The following TRAIP variants were observed in gnomAD, a reference collection of about 807,000 sequenced individuals.
The protein encoded by TRAIP is E3 ubiquitin-protein ligase TRAIP.
TRAIP carries 37 observed loss-of-function variants against 65.0 expected under a neutral mutation model. That is an observed-to-expected ratio of 0.57 (90% confidence interval 0.44 to 0.75). The LOEUF (loss-of-function observed/expected upper bound fraction) is 0.75. TRAIP is among the 30% of genes least tolerant of loss of function. The pLI is 0.00. For synonymous variants in TRAIP, 187 were observed against 219.1 expected, an observed-to-expected ratio of 0.85 and a Z score of 1.29; for missense variants, 481 against 579.4, an observed-to-expected ratio of 0.83 and a Z score of 1.74.
In TRAIP at chr3:49,829,611, A is replaced by C. The variant is rs1236344422; in HGVS notation, c.1236+6T>G. 1 of 1,613,998 alleles carries C rather than the reference A, an allele frequency of 6.2e-7. No homozygotes were observed. The highest frequency in any genetic ancestry group is 1.3e-5 in the African/African-American group (1 of 74,890). ...GGCTCCTGCCACTGTGGGAAGCCAC[A>C]CTCACCACATCTTTGCTGCAAGAGG... is the stretch of plus-strand genomic sequence containing the variant. On this transcript the variant is annotated splice_donor_region_variant and intron_variant, in intron 13 of 14. Transcript: ENST00000331456.
At chr3:49,849,188 C>T (rs1404629541) in intron 1 of TRAIP, among the ~76,000 whole-genome samples, 2 of 151,602 alleles carry the variant, frequency 1.3e-5, no homozygotes, top group African/African-American at 4.8e-5. Flanking sequence ...TTGTTTTTTA[C>T]AGAATAGAGG....
chr3:49,856,287 G>A (rs2081968814), intron 1 of TRAIP, 69 bp downstream of exon 1: 1 of 1,386,234 alleles, frequency 7.2e-7, no homozygotes. Context: ...ACCGCCTGGA[G>A]GCCCAACACC....
chr3:49,834,357 A>C (rs974169217), intron 10 of TRAIP, among the ~76,000 whole-genome samples: 1 of 152,226 alleles, frequency 6.6e-6, no homozygotes, highest in Non-Finnish European at 1.5e-5. Flanking sequence ...TTTCCAAAAA[A>C]TTCTGGGAGA....
At chr3:49,848,676 CTACTG>C (rs2081905599) in intron 1 of TRAIP, among the ~76,000 whole-genome samples, 1 of 152,032 alleles carries the variant, frequency 6.6e-6, no homozygotes, top group Non-Finnish European at 1.5e-5. Context: ...CAACAATAAT[CTACTG>C]TACATTTTAA....
intron 10 of TRAIP, among the ~76,000 whole-genome samples, chr3:49,834,621 G>A (rs1270739068): frequency 6.6e-6 from 1 of 152,154 alleles, no homozygotes; most frequent in Non-Finnish European, 1.5e-5. Flanking sequence ...CAATGACCTA[G>A]GGCAGCCAAT....
At chr3:49,856,323 C>T in intron 1 of TRAIP, 33 bp downstream of exon 1, 1 of 1,593,088 alleles carries the variant, frequency 6.3e-7, no homozygotes, top group Non-Finnish European at 8.6e-7. Flanking sequence ...GGTACCCGGG[C>T]AAACACCGGG....
rs2081971680 is a variant in TRAIP at position 49,856,530 on chromosome 3, C to T, written c.-77G>A. On this transcript the variant is annotated 5_prime_UTR_variant, in exon 1 of 15. Transcript: ENST00000331456. ...GCTTCGTAGACGCGCCCCCGCGCCT[C>T]CGCTTGCTTCAAATTTGGCTCCGCA... 7.3e-7 allele frequency: 1 copy of T among 1,361,600 alleles called. No homozygotes were observed. The highest frequency in any genetic ancestry group is 1.5e-5 in the African/African-American group (1 of 68,696). The allele number at this position is 1,361,600 out of a possible 1,614,324, so 84.3% of individuals were successfully genotyped here.
At chr3:49,848,620 A>C (rs958823634) in intron 1 of TRAIP, among the ~76,000 whole-genome samples, 7 of 152,234 alleles carry the variant, frequency 4.6e-5, no homozygotes, top group Non-Finnish European at 8.8e-5. Context: ...AGTTAGATAT[A>C]AGGAATAAAA....
intron 7 of TRAIP, among the ~76,000 whole-genome samples, chr3:49,841,346 C>A (rs75160702): frequency 6.6e-6 from 1 of 152,174 alleles, no homozygotes; most frequent in Non-Finnish European, 1.5e-5. Context: ...CCTAAACCAC[C>A]TGGTCTTAAA....
chr3:49,833,731 G>A (rs538066821), intron 10 of TRAIP, among the ~76,000 whole-genome samples: 1 of 152,160 alleles, frequency 6.6e-6, no homozygotes, highest in East Asian at 1.9e-4. Context: ...TGCCCACCTC[G>A]GCCTCCCAAA....
At chr3:49,848,278 CG>C in intron 1 of TRAIP, 78 bp from the exon 2 acceptor site, 2 of 1,491,750 alleles carry the variant, frequency 1.3e-6, no homozygotes, top group Non-Finnish European at 1.9e-6. Context: ...ATTCTGACCA[CG>C]AAAGGGTCTG....
intron 10 of TRAIP, among the ~76,000 whole-genome samples, chr3:49,834,294 G>T (rs750006815): frequency 4.6e-5 from 7 of 152,152 alleles, no homozygotes; most frequent in Non-Finnish European, 7.3e-5. Flanking sequence ...CAGGTATGAA[G>T]GGTAATCCTA....
rs780542645 is a variant in TRAIP, at chr3:49,839,906, A to G, written c.796-46T>C. The G allele has an allele frequency of 3.2e-6, 5 of 1,577,710 alleles. No individual in the cohort carries two copies. The East Asian group carries it at 8.9e-5, about 28-fold the overall frequency. On this transcript the variant is annotated intron_variant, in intron 9 of 14. Transcript: ENST00000331456. ...TGTGTGAGAGAAAGGCTGAGGCATC[A>G]AGTCCGGAGATAATGCAGAGGACAT...
chr3:49,841,442 TGAGTA>T (rs1320981972), intron 7 of TRAIP, among the ~76,000 whole-genome samples: 1 of 152,156 alleles, frequency 6.6e-6, no homozygotes, highest in Non-Finnish European at 1.5e-5. Context: ...GTGAAGAATA[TGAGTA>T]GAGTTTGATC....
At chr3:49,832,166 GCCCACTC>G in intron 10 of TRAIP, 98 bp from the exon 11 acceptor site, 5 of 1,359,280 alleles carry the variant, frequency 3.7e-6, no homozygotes, top group African/African-American at 1.5e-5. Context: ...GGGACCTGGA[GCCCACTC>G]CTGACTCAAG....
intron 10 of TRAIP, among the ~76,000 whole-genome samples, chr3:49,833,521 C>T (rs2081753937): frequency 6.6e-6 from 1 of 151,772 alleles, no homozygotes; most frequent in African/African-American, 2.4e-5. Flanking sequence ...GCTCTGTCAC[C>T]CAGGCTGGAG....
intron 10 of TRAIP, among the ~76,000 whole-genome samples, chr3:49,833,447 T>G (rs1231329412): frequency 6.6e-6 from 1 of 151,680 alleles, no homozygotes; most frequent in Non-Finnish European, 1.5e-5. Flanking sequence ...CACATCTGGA[T>G]CATATGGACA....
chr3:49,853,114 T>G (rs1485745634), intron 1 of TRAIP, among the ~76,000 whole-genome samples: 1 of 148,416 alleles, frequency 6.7e-6, no homozygotes, highest in African/African-American at 2.5e-5. Context: ...AGAGCAAGAC[T>G]CTGTCTCAAA....
chr3:49,846,668 T>C (rs1475026740), intron 3 of TRAIP, among the ~76,000 whole-genome samples: 1 of 152,194 alleles, frequency 6.6e-6, no homozygotes, highest in Non-Finnish European at 1.5e-5. Flanking sequence ...TGTCCCCACC[T>C]TGAAAACTGT....
Sources: allele counts gnomAD v4.1 joint callset (sites outside exome capture counted in the v4.1 genomes callset), GRCh38; gene constraint gnomAD v4.1.1; transcripts MANE v1.5; gene names NCBI Gene and HGNC (gene_info 2026-07-23, HGNC 2026-07-21).